CYP3A5: variants seen among roughly 807,000 people sequenced by gnomAD.
CYP3A5 encodes the protein cytochrome P450 family 3 subfamily A member 5.
Under a neutral mutation model 55.9 loss-of-function variants are expected in CYP3A5, and 51 were observed. The ratio of observed to expected loss-of-function variants is 0.91; its 90% CI spans 0.73 to 1.15. The LOEUF (loss-of-function observed/expected upper bound fraction) is 1.15, where lower values mean the gene tolerates loss of function less well. CYP3A5 is among the 50% of genes most tolerant of loss of function. The pLI is 0.00. For synonymous variants in CYP3A5, 196 were observed against 213.9 expected (o/e 0.92, Z 0.73); for missense variants, 533 against 596.6 (o/e 0.89, Z 1.11).
In CYP3A5 at chr7:99,650,191, G is replaced by A. The variant is rs1188088191; in HGVS notation, c.1295C>T (p.Thr432Ile). Residue 432 changes from threonine (T) to isoleucine (I), a missense_variant, in exon 12 of 13, where the codon ACA (threonine) becomes ATA (isoleucine). Thr to Ile is a moderately conservative substitution (Grantham distance 89). Transcript: ENST00000222982. Reference protein sequence around the residue: ...KKDSIDPYIYTPFGTGPRNCI... With the variant: ...KKDSIDPYIYIPFGTGPRNCI... The stretch of plus-strand genomic sequence containing the variant: ...GTTTCTGGGTCCAGTTCCAAAGGGT[G>A]TGTATATGTAAGGATCTATGCTGTC... 3 of 1,614,076 alleles carry A rather than the reference G, an allele frequency of 1.9e-6. No individual in the cohort carries two copies. The highest frequency in any genetic ancestry group is 2.2e-5 in the East Asian group (1 of 44,870).
chr7:99,653,511 A>G lies in CYP3A5; in HGVS notation c.1027-732T>C, dbSNP rs1247145454. On this transcript the variant is annotated intron_variant, in intron 10 of 12. Transcript: ENST00000222982. The surrounding 1 kb of genome is among the most constrained non-coding windows in gnomAD (Gnocchi z 4.2). ...TTTGTGGATAAACTTGTTCCTTTCT[A>G]TCACAAATACGACAAAATAAATTTA... is the stretch of plus-strand genomic sequence containing the variant. Among the ~76,000 whole-genome samples, 1 of 152,104 alleles carries G rather than the reference A, an allele frequency of 6.6e-6. No homozygotes were observed. The highest frequency in any genetic ancestry group is 2.4e-5 in the African/African-American group (1 of 41,394).
Position 99,666,768 on chromosome 7 carries a change from G to C in CYP3A5, c.433-79C>G, listed in dbSNP as rs28383471. 8.2e-5 allele frequency: 132 copies of C among 1,608,132 alleles called. No individual in the cohort carries two copies. The African/African-American group carries it at 1.5e-3, about 18-fold the overall frequency. Reference sequence around the variant, plus strand: ...GAAGGATATGGCTTTCTCCAGCATGGAGCAGTAAGTGACATTTTGTAATGA... The same window carrying C: ...GAAGGATATGGCTTTCTCCAGCATGCAGCAGTAAGTGACATTTTGTAATGA... On this transcript the variant is annotated intron_variant, in intron 5 of 12. Coordinates refer to ENST00000222982, the MANE Select transcript of CYP3A5 (RefSeq NM_000777.5).
intron 5 of CYP3A5, 90 bp from the exon 6 acceptor site, chr7:99,666,779 G>T: frequency 6.2e-7 from 1 of 1,603,368 alleles, no homozygotes; most frequent in South Asian, 1.1e-5. Context: ...AGCAGTAAGT[G>T]ACATTTTGTA....
intron 1 of CYP3A5, chr7:99,676,514 G>A: frequency 7.3e-7 from 1 of 1,378,468 alleles, no homozygotes; most frequent in East Asian, 4.1e-5. Context: ...ATTCTTCCAG[G>A]ACACTTCATT....
At chr7:99,676,576 C>T in intron 1 of CYP3A5, 1 of 1,354,226 alleles carries the variant, frequency 7.4e-7, no homozygotes, top group East Asian at 4.5e-5. Context: ...GGACTCTCAT[C>T]CTAGGTAGAA....
chr7:99,672,040 T>G (rs953533444), intron 4 of CYP3A5, among the ~76,000 whole-genome samples: 10 of 152,104 alleles, frequency 6.6e-5, no homozygotes, highest in African/African-American at 1.9e-4. Flanking sequence ...AGTTTGCCGG[T>G]TTTTGTTGTT....
intron 2 of CYP3A5, among the ~76,000 whole-genome samples, chr7:99,674,897 T>G (rs1812068266): frequency 6.6e-6 from 1 of 152,244 alleles, no homozygotes; most frequent in Admixed American, 6.5e-5. Context: ...TAAAGTCTCC[T>G]AACCCCGTGA....
At chr7:99,667,154 A>G (rs1468640042) in intron 4 of CYP3A5, 89 bp from the exon 5 acceptor site, 1 of 1,268,372 alleles carries the variant, frequency 7.9e-7, no homozygotes, top group African/African-American at 1.5e-5. Flanking sequence ...TCCTTATTTA[A>G]CAAATATTTA....
chr7:99,658,338 T>C (rs1014053541), intron 10 of CYP3A5, among the ~76,000 whole-genome samples: 4 of 152,204 alleles, frequency 2.6e-5, no homozygotes, highest in African/African-American at 9.7e-5. Context: ...CCTTCACTTA[T>C]GAAGCTTAGT....
At chr7:99,671,286 C>T (rs925996428) in intron 4 of CYP3A5, 2 of 152,552 alleles carry the variant, frequency 1.3e-5, no homozygotes, top group African/African-American at 4.8e-5. Context: ...CACTTACAAG[C>T]TTATTCTGAA....
intron 8 of CYP3A5, 179 bp from the exon 9 acceptor site, chr7:99,663,061 G>A: frequency 7.5e-7 from 1 of 1,339,914 alleles, no homozygotes; most frequent in East Asian, 3.0e-5. Context: ...TCCTTGGAAA[G>A]CAGGATGTTT....
At position 99,650,237 on chromosome 7, in the gene CYP3A5, T is replaced by A; in HGVS notation, c.1254-5A>T. ...CTGTCCTTCTTCTTACTGAACCTAG[T>A]TCCATATTGGTAGATTAAATAGTTA... On this transcript the variant is annotated splice_polypyrimidine_tract_variant and splice_region_variant and intron_variant, in intron 11 of 12. Coordinates refer to ENST00000222982, the MANE Select transcript of CYP3A5 (RefSeq NM_000777.5). The A allele has an allele frequency of 6.2e-7, 1 of 1,612,706 alleles. No homozygotes were observed. The highest frequency in any genetic ancestry group is 1.3e-5 in the African/African-American group (1 of 74,964).
chr7:99,677,369 A>G (rs1004511538), intron 1 of CYP3A5: 40 of 429,012 alleles, frequency 9.3e-5, no homozygotes, highest in African/African-American at 8.4e-4. Flanking sequence ...ATGTGCATAA[A>G]AGAATCCACA....
chr7:99,663,808 C>T, intron 8 of CYP3A5, 160 bp downstream of exon 8: 2 of 1,334,182 alleles, frequency 1.5e-6, no homozygotes, highest in Non-Finnish European at 1.9e-6. Flanking sequence ...TCATCTCCTT[C>T]CCCAATCTCC....
chr7:99,665,955 T>G (rs1375402724), intron 6 of CYP3A5, among the ~76,000 whole-genome samples: 1 of 152,202 alleles, frequency 6.6e-6, no homozygotes, highest in East Asian at 1.9e-4. Context: ...CAACATTGAT[T>G]TGGAGAACCC....
chr7:99,674,806 C>G (rs963654524), intron 2 of CYP3A5, among the ~76,000 whole-genome samples: 1 of 152,192 alleles, frequency 6.6e-6, no homozygotes, highest in Non-Finnish European at 1.5e-5. Flanking sequence ...TCTCTAAGTA[C>G]TGAAGGACTC....
intron 1 of CYP3A5, 168 bp from the exon 2 acceptor site, chr7:99,676,376 C>T (rs1160901206): frequency 3.3e-6 from 5 of 1,525,008 alleles, no homozygotes; most frequent in Non-Finnish European, 4.4e-6. Flanking sequence ...CAGGTCCTTT[C>T]CTGACTATTC....
At chr7:99,661,099 C>G (rs1810397768) in intron 9 of CYP3A5, among the ~76,000 whole-genome samples, 1 of 152,162 alleles carries the variant, frequency 6.6e-6, no homozygotes, top group Non-Finnish European at 1.5e-5. Flanking sequence ...TATAGCTTGA[C>G]AAACTTTGAG....
chr7:99,659,641 GC>G (rs1202161821), intron 10 of CYP3A5: 1 of 152,596 alleles, frequency 6.6e-6, no homozygotes, highest in Non-Finnish European at 1.5e-5. Context: ...GGTTTCTGCT[GC>G]CTTTTGGTTG....
Sources: gnomAD v4.1 joint callset for allele counts (sites outside exome capture counted in the v4.1 genomes callset) on GRCh38, gnomAD v4.1.1 for gene constraint, Gnocchi (gnomAD v3.1) non-coding constraint, MANE v1.5 for transcripts, NCBI Gene and HGNC (gene_info 2026-07-23, HGNC 2026-07-21) for gene names.